NEBL: variants seen among roughly 807,000 people sequenced by gnomAD.
NEBL encodes LIM and SH3 protein 2.
In NEBL, 122 loss-of-function variants were observed where a neutral mutation model predicts 140.2. The ratio of observed to expected loss-of-function variants is 0.87; its 90% CI spans 0.75 to 1.01. The LOEUF is 1.01. Ranked by LOEUF, NEBL falls within the 50% of genes least tolerant of loss-of-function variation. The pLI, the probability that NEBL is intolerant of heterozygous loss-of-function variation, is 0.00. For synonymous variants in NEBL, 436 were observed against 398.9 expected (o/e 1.09, Z -1.11); for missense variants, 1,365 against 1,231.3 (o/e 1.11, Z -1.62).
chr10:20,824,332 T>C (rs138681968), intron 18 of NEBL, among the ~76,000 whole-genome samples: 1 of 152,300 alleles, frequency 6.6e-6, no homozygotes, highest in African/African-American at 2.4e-5. Flanking sequence ...CAGACTGTCA[T>C]AAAGAAACAG....
At chr10:20,980,633 C>T (rs183220669) in intron 3 of NEBL, among the ~76,000 whole-genome samples, 15 of 152,218 alleles carry the variant, frequency 9.9e-5, no homozygotes, top group Admixed American at 9.8e-4. Context: ...ACAGAGAGAG[C>T]CTCTATACCT....
At chr10:21,121,427 C>T (rs1838567834) in intron 2 of NEBL, among the ~76,000 whole-genome samples, 1 of 152,102 alleles carries the variant, frequency 6.6e-6, no homozygotes, top group African/African-American at 2.4e-5. Context: ...CTTAATTCAA[C>T]AATCACAGTA....
chr10:21,113,992 T>C (rs1037932289), intron 2 of NEBL, among the ~76,000 whole-genome samples: 6 of 152,078 alleles, frequency 3.9e-5, no homozygotes, highest in African/African-American at 1.4e-4. Flanking sequence ...TTCTTATGGT[T>C]GAAGCTTAAG....
intron 23 of NEBL, 26 bp downstream of exon 23, chr10:20,813,913 T>G (rs763562407): frequency 4.2e-6 from 6 of 1,428,620 alleles, no homozygotes; most frequent in Non-Finnish European, 4.9e-6. Context: ...TTAGCATGTT[T>G]TAAGAATGAT....
At chr10:20,799,348 G>T (rs976405542) in intron 26 of NEBL, among the ~76,000 whole-genome samples, 1 of 152,006 alleles carries the variant, frequency 6.6e-6, no homozygotes, top group African/African-American at 2.4e-5. Context: ...GAGATACCAG[G>T]TCTCACCATG....
intron 3 of NEBL, among the ~76,000 whole-genome samples, chr10:21,001,789 C>T (rs1267841950): frequency 1.3e-5 from 2 of 152,118 alleles, no homozygotes; most frequent in African/African-American, 2.4e-5. Context: ...GGATTAATTG[C>T]CATTTGTTTT....
chr10:20,990,444 T>G (rs980194607), intron 3 of NEBL, among the ~76,000 whole-genome samples: 2 of 152,142 alleles, frequency 1.3e-5, no homozygotes, highest in Non-Finnish European at 2.9e-5. Flanking sequence ...GCACTAGCTC[T>G]CTCTCTCTCT....
intron 2 of NEBL, among the ~76,000 whole-genome samples, chr10:21,068,431 T>C (rs1835663498): frequency 6.6e-6 from 1 of 152,202 alleles, no homozygotes; most frequent in Non-Finnish European, 1.5e-5. Flanking sequence ...GCCGTGTGAC[T>C]AGAATCAGGC....
At chr10:21,140,991 A>G (rs1839603804) in intron 2 of NEBL, among the ~76,000 whole-genome samples, 1 of 151,752 alleles carries the variant, frequency 6.6e-6, no homozygotes, top group East Asian at 1.9e-4. Context: ...TTTTGGTCCC[A>G]TCAATAACGG....
At chr10:21,275,637 C>T (rs1306423631) in intron 1 of NEBL, among the ~76,000 whole-genome samples, 3 of 119,532 alleles carry the variant, frequency 2.5e-5, no homozygotes, top group African/African-American at 6.7e-5. Flanking sequence ...ACATTACCAG[C>T]TTTTTTTTTT....
intron 3 of NEBL, among the ~76,000 whole-genome samples, chr10:20,982,497 T>C (rs911224445): frequency 7.9e-5 from 12 of 152,232 alleles, no homozygotes; most frequent in African/African-American, 1.4e-4. Context: ...AAAACAATTT[T>C]CAGAGGAGAG....
intron 2 of NEBL, among the ~76,000 whole-genome samples, chr10:21,072,489 T>C (rs1295307640): frequency 6.6e-6 from 1 of 152,150 alleles, no homozygotes; most frequent in Non-Finnish European, 1.5e-5. Flanking sequence ...ACCAACAAAA[T>C]CTTCTGGAAC....
intron 2 of NEBL, among the ~76,000 whole-genome samples, chr10:21,120,701 A>C (rs1838530190): frequency 6.7e-6 from 1 of 148,580 alleles, no homozygotes; most frequent in African/African-American, 2.5e-5. Flanking sequence ...AAAAAAAAAA[A>C]AAACCCAGGA....
chr10:21,018,175 T>A (rs1257500888), intron 3 of NEBL, among the ~76,000 whole-genome samples: 3 of 152,090 alleles, frequency 2.0e-5, no homozygotes, highest in Admixed American at 2.0e-4. Flanking sequence ...CATTCCAAGG[T>A]GTGTGTTAGT....
At chr10:21,275,834 T>A (rs1229273889) in intron 1 of NEBL, among the ~76,000 whole-genome samples, 3 of 149,200 alleles carry the variant, frequency 2.0e-5, no homozygotes, top group African/African-American at 7.4e-5. Flanking sequence ...TTTTTTGTAT[T>A]TTTAGTAGAG....
intron 1 of NEBL, among the ~76,000 whole-genome samples, chr10:21,269,700 TG>T (rs1412517281): frequency 6.6e-6 from 1 of 152,216 alleles, no homozygotes; most frequent in Non-Finnish European, 1.5e-5. Context: ...GCTTTTCCAC[TG>T]GGCTGAATCT....
chr10:21,169,291 T>C (rs1230655797), intron 2 of NEBL, among the ~76,000 whole-genome samples: 1 of 151,664 alleles, frequency 6.6e-6, no homozygotes, highest in East Asian at 1.9e-4. Flanking sequence ...TTTAAGCATG[T>C]ATATACATTG....
intron 4 of NEBL, among the ~76,000 whole-genome samples, chr10:20,961,400 A>T (rs751924026): frequency 7.2e-5 from 11 of 152,176 alleles, no homozygotes; most frequent in Non-Finnish European, 1.6e-4. Context: ...TATTTTAATT[A>T]TAAAAGGCCT....
intron 3 of NEBL, among the ~76,000 whole-genome samples, chr10:21,201,908 G>C (rs1841743505): frequency 6.6e-6 from 1 of 152,152 alleles, no homozygotes; most frequent in Non-Finnish European, 1.5e-5. Flanking sequence ...AACTCTATCA[G>C]ATTTCTTTTT....
Sources: gnomAD v4.1 joint callset for allele counts (sites outside exome capture counted in the v4.1 genomes callset) on GRCh38, gnomAD v4.1.1 for gene constraint, MANE v1.5 for transcripts, NCBI Gene and HGNC (gene_info 2026-07-23, HGNC 2026-07-21) for gene names.